COL4A2: variants seen among roughly 807,000 people sequenced by gnomAD.
The protein encoded by COL4A2 is collagen alpha-2(IV) chain.
Under a neutral mutation model 200.2 loss-of-function variants are expected in COL4A2, and 99 were observed. The observed-to-expected ratio is 0.49, with a 90% CI of 0.42 to 0.58. The LOEUF (loss-of-function observed/expected upper bound fraction) is 0.58. Ranked by LOEUF, COL4A2 falls within the 20% of genes least tolerant of loss-of-function variation. The probability of loss-of-function intolerance (pLI) is 0.00; values close to 1 mark genes in which losing one functional copy is unlikely to be tolerated. For synonymous variants in COL4A2, 897 were observed against 900.6 expected (o/e 1.00, Z 0.07); for missense variants, 1,950 against 2,314.1 (o/e 0.84, Z 3.23).
At chr13:110,383,300 T>C (rs1189837241) in intron 4 of COL4A2, among the ~76,000 whole-genome samples, 2 of 152,226 alleles carry the variant, frequency 1.3e-5, no homozygotes, top group Non-Finnish European at 2.9e-5. Context: ...ACAATACTCT[T>C]GGGGGACAAA....
At chr13:110,322,499 T>C (rs1885301052) in intron 3 of COL4A2, among the ~76,000 whole-genome samples, 1 of 152,104 alleles carries the variant, frequency 6.6e-6, no homozygotes, top group Non-Finnish European at 1.5e-5. Flanking sequence ...GTGAGATTCC[T>C]CAGGAGGAGG....
intron 4 of COL4A2, among the ~76,000 whole-genome samples, chr13:110,400,387 A>G (rs1465928152): frequency 6.6e-6 from 1 of 152,242 alleles, no homozygotes; most frequent in Admixed American, 6.5e-5. Flanking sequence ...TCTCCCTGAA[A>G]GAGTTGATGG....
At chr13:110,347,700 G>A (rs1876770589) in intron 3 of COL4A2, among the ~76,000 whole-genome samples, 1 of 152,230 alleles carries the variant, frequency 6.6e-6, no homozygotes, top group South Asian at 2.1e-4. Context: ...AGCCAGTCCT[G>A]CCCGTCAGGA....
intron 13 of COL4A2, among the ~76,000 whole-genome samples, 189 bp from the exon 14 acceptor site, chr13:110,437,813 A>G (rs1880952134): frequency 6.6e-6 from 1 of 152,238 alleles, no homozygotes; most frequent in South Asian, 2.1e-4. Flanking sequence ...AAAATCTAGA[A>G]GAAATGACAC....
chr13:110,418,136 A>G (rs971148110), intron 4 of COL4A2, among the ~76,000 whole-genome samples: 1 of 152,082 alleles, frequency 6.6e-6, no homozygotes, highest in Admixed American at 6.5e-5. Flanking sequence ...CCTAATGACC[A>G]CTGAAGTTTA....
At chr13:110,416,182 G>T (rs74124308) in intron 4 of COL4A2, among the ~76,000 whole-genome samples, 60 of 152,366 alleles carry the variant, frequency 3.9e-4, no homozygotes, top group African/African-American at 1.4e-3. Context: ...TGAGGGTGAT[G>T]CTCTGAGCAT....
At chr13:110,342,849 A>AAT (rs746795690) in intron 3 of COL4A2, among the ~76,000 whole-genome samples, 1 of 152,178 alleles carries the variant, frequency 6.6e-6, no homozygotes, top group Non-Finnish European at 1.5e-5. Flanking sequence ...ACAAGACAGC[A>AAT]TCATAGCACT....
At chr13:110,312,748 T>C (rs1885019418) in intron 3 of COL4A2, among the ~76,000 whole-genome samples, 3 of 152,228 alleles carry the variant, frequency 2.0e-5, no homozygotes, top group Admixed American at 2.0e-4. Flanking sequence ...CCTTGGCTGA[T>C]AGAGCTTGTG....
Position 110,469,342 on chromosome 13 carries a change from C to A in COL4A2, c.2203+18C>A. On this transcript the variant is annotated intron_variant, in intron 28 of 47. Coordinates refer to ENST00000360467, the MANE Select transcript of COL4A2 (RefSeq NM_001846.4). ...ACCCCCAGGTGAGTTGAGATCAGAC[C>A]CCCATTCAGCCCCTGGGTTCCAGCG... 1 of 1,557,036 alleles carries A rather than the reference C, an allele frequency of 6.4e-7. No homozygotes were observed. Among genetic ancestry groups the A allele is most frequent in the East Asian group, 2.4e-5 (1 of 42,058 alleles).
intron 29 of COL4A2, 187 bp from the exon 30 acceptor site, chr13:110,477,816 A>G (rs927172692): frequency 2.4e-5 from 11 of 465,722 alleles, no homozygotes; most frequent in African/African-American, 1.8e-4. Flanking sequence ...AGTGGTAGTC[A>G]TTACCGCTGG....
Position 110,450,357 on chromosome 13 carries a change from C to T in COL4A2, c.1242C>T (p.Asp414=), listed in dbSNP as rs1241136559. Residue 414 remains aspartate (D), a synonymous_variant, in exon 20 of 48, where the codon GAC becomes GAT. Transcript: ENST00000360467. Reference sequence around the variant, plus strand: ...TGGGACCCAAGGGCTTCATCGGAGACCCCGGCATCCCTGCGCTCTACGGGG... The same window carrying T: ...TGGGACCCAAGGGCTTCATCGGAGATCCCGGCATCCCTGCGCTCTACGGGG... The part of the protein sequence containing the change: ...GEMGPKGFIG[D]PGIPALYGGP... The T allele has an allele frequency of 1.2e-6, 2 of 1,613,614 alleles. No homozygotes were observed. Among genetic ancestry groups the T allele is most frequent in the Non-Finnish European group, 1.7e-6 (2 of 1,179,646 alleles).
Position 110,445,832 on chromosome 13 carries a change from AGCCG to A in COL4A2, c.962_965del (p.Ser321LysfsTer36). The A allele has an allele frequency of 6.2e-7, 1 of 1,614,186 alleles. No individual in the cohort carries two copies. The highest frequency in any genetic ancestry group is 8.5e-7 in the Non-Finnish European group (1 of 1,180,016). Reference sequence around the variant, plus strand: ...AAAGCAAATATCTTTCTTGCAGGGAAGCCGAGGCCTGGATGGCTATCAAGGGCCT... The same window carrying A: ...AAAGCAAATATCTTTCTTGCAGGGAAAGGCCTGGATGGCTATCAAGGGCCT... On this transcript the variant is annotated frameshift_variant, in exon 17 of 48. Transcript: ENST00000360467. LOFTEE classifies it high-confidence loss of function.
chr13:110,408,758 C>T (rs187948276), intron 4 of COL4A2, among the ~76,000 whole-genome samples: 55 of 152,220 alleles, frequency 3.6e-4, no homozygotes, highest in African/African-American at 1.3e-3. Context: ...ATAATGAGAG[C>T]AGAAGACCAC....
intron 4 of COL4A2, among the ~76,000 whole-genome samples, chr13:110,421,099 G>A (rs1880234275): frequency 6.6e-6 from 1 of 152,232 alleles, no homozygotes; most frequent in South Asian, 2.1e-4. Context: ...ACAGGTATTG[G>A]TGAGGATACA....
At chr13:110,485,412 A>T (rs1883083482) in intron 33 of COL4A2, among the ~76,000 whole-genome samples, 1 of 150,878 alleles carries the variant, frequency 6.6e-6, no homozygotes, top group South Asian at 2.1e-4. Flanking sequence ...AGTCCCAACT[A>T]CTTAGGAGGC....
intron 39 of COL4A2, among the ~76,000 whole-genome samples, chr13:110,493,547 A>G (rs1883356653): frequency 6.6e-6 from 1 of 152,102 alleles, no homozygotes; most frequent in Non-Finnish European, 1.5e-5. Flanking sequence ...AGAGAGAAAT[A>G]GAGTCCTTGC....
intron 3 of COL4A2, among the ~76,000 whole-genome samples, chr13:110,350,417 CACTT>C (rs1566487168): frequency 1.3e-5 from 2 of 152,016 alleles, no homozygotes; most frequent in African/African-American, 4.8e-5. Flanking sequence ...TTTTTTTTAG[CACTT>C]GGAGGGATTA....
chr13:110,501,768 G>A lies in COL4A2; in HGVS notation c.3861G>A (p.Gly1287=), dbSNP rs757837598. ...CACCTGGTGACAAAGGGGCGCCAGGGATATTTGGCCTGAAAGGTAAGCAGG... is the reference window on the plus strand; with the variant it reads ...CACCTGGTGACAAAGGGGCGCCAGGAATATTTGGCCTGAAAGGTAAGCAGG... ...SGAPGDKGAP[G]IFGLKGYRGP... The change falls in exon 41 of 48, where the codon GGG becomes GGA. Residue 1287 remains glycine (G), a synonymous_variant. Transcript: ENST00000360467. 3.1e-6 allele frequency: 5 copies of A among 1,613,604 alleles called. No homozygotes were observed. The South Asian group carries it at 5.5e-5, about 18-fold the overall frequency.
chr13:110,388,508 C>G (rs1031115204), intron 4 of COL4A2, among the ~76,000 whole-genome samples: 1 of 152,170 alleles, frequency 6.6e-6, no homozygotes, highest in Admixed American at 6.5e-5. Flanking sequence ...ATTTTTAGAC[C>G]ACAGAGCAAG....
Sources: gnomAD v4.1 joint callset for allele counts (sites outside exome capture counted in the v4.1 genomes callset) on GRCh38, gnomAD v4.1.1 for gene constraint, MANE v1.5 for transcripts, NCBI Gene and HGNC (gene_info 2026-07-23, HGNC 2026-07-21) for gene names.